Variants in NLGN2 observed in about 807,000 individuals in gnomAD.
The protein encoded by NLGN2 is neuroligin-2.
NLGN2 carries 11 observed loss-of-function variants against 48.6 expected under a neutral mutation model. The ratio of observed to expected loss-of-function variants is 0.23; its 90% CI spans 0.14 to 0.37. The LOEUF (loss-of-function observed/expected upper bound fraction) is 0.37, where lower values mean the gene tolerates loss of function less well. Ranked by LOEUF, NLGN2 falls within the 10% of genes least tolerant of loss-of-function variation. The pLI is 1.00. For missense variants in NLGN2, 801 were observed against 1,225.2 expected (o/e 0.65, Z 5.17); for synonymous variants, 548 against 550.0 (o/e 1.00, Z 0.05).
chr17:7,418,842 A>G lies in NLGN2; in HGVS notation c.*1043A>G, dbSNP rs1907263440. 2 of 152,660 alleles carry G rather than the reference A, an allele frequency of 1.3e-5. No homozygotes were observed. Among genetic ancestry groups the G allele is most frequent in the Non-Finnish European group, 2.9e-5 (2 of 68,094 alleles). The allele number at this position is 152,660 out of a possible 1,614,324, so 9.5% of individuals were successfully genotyped here. On this transcript the variant is annotated 3_prime_UTR_variant, in exon 7 of 7. Coordinates refer to ENST00000302926, the MANE Select transcript of NLGN2 (RefSeq NM_020795.4). ...GTGGTCCGAGGACAGCCTTTTCCCC[A>G]GGCCTCAGAGCATTGCTCATCCGTG...
In NLGN2 at chr17:7,417,611, C is replaced by T. The variant is rs1420434378; in HGVS notation, c.2320C>T (p.Arg774Cys). 2 of 1,419,590 alleles carry T rather than the reference C, an allele frequency of 1.4e-6. No individual in the cohort carries two copies. The highest frequency in any genetic ancestry group is 9.1e-7 in the Non-Finnish European group (1 of 1,096,086). 87.9% of individuals were successfully genotyped at this position (1,419,590 alleles called of 1,614,324 possible). The change falls in exon 7 of 7, where the codon CGC (arginine) becomes TGC (cysteine). Residue 774 changes from arginine (R) to cysteine (C), a missense_variant. Physicochemically the swap from Arg to Cys is radical, Grantham distance 180. Coordinates refer to ENST00000302926, the MANE Select transcript of NLGN2 (RefSeq NM_020795.4). ...ACPPDYTLAL[R>C]RAPDDVPLLA... The stretch of plus-strand genomic sequence containing the variant: ...CCCGCCCGACTACACCCTGGCCCTG[C>T]GCCGGGCACCGGACGATGTGCCTCT...
chr17:7,416,862 G>A, intron 6 of NLGN2, 64 bp from the exon 7 acceptor site: 1 of 1,588,152 alleles, frequency 6.3e-7, no homozygotes, highest in Non-Finnish European at 8.6e-7. Flanking sequence ...CCTGCCCACT[G>A]CCATCCACCC....
intron 1 of NLGN2, among the ~76,000 whole-genome samples, chr17:7,409,166 A>G (rs1906780409): frequency 6.6e-6 from 1 of 152,070 alleles, no homozygotes; most frequent in Non-Finnish European, 1.5e-5. Context: ...CCCCAAGGAC[A>G]ACGCAGGCTC....
At position 7,414,467 on chromosome 17, in the gene NLGN2, C is replaced by T. The variant is rs1344041518; in HGVS notation, c.632C>T (p.Thr211Met). Residue 211 changes from threonine (T) to methionine (M), a missense_variant, in exon 3 of 7, where the codon ACG becomes ATG. Physicochemically the swap from Thr to Met is moderately conservative, Grantham distance 81 (BLOSUM62 -1). This residue lies in a region of NLGN2 where 303 missense variants were observed against 600.1 expected (regional missense o/e 0.50). Transcript: ENST00000302926. ...GCCTATGGCAACGTCATTGTAGCCA[C>T]GCTCAACTACCGTCTTGGGGTGCTC... ...LAAYGNVIVA[T>M]LNYRLGVLGF... 4 of 1,614,004 alleles carry T rather than the reference C, an allele frequency of 2.5e-6. No homozygotes were observed. Among genetic ancestry groups the T allele is most frequent in the Non-Finnish European group, 3.4e-6 (4 of 1,179,994 alleles).
Position 7,415,724 on chromosome 17 carries a change from G to C in NLGN2, c.1251G>C (p.Leu417=). ...CTGTCTCCAACTTTGTGGACAACCTGTATGGCTACCCGGAAGGCAAGGATG... is the reference window on the plus strand; with the variant it reads ...CTGTCTCCAACTTTGTGGACAACCTCTATGGCTACCCGGAAGGCAAGGATG... ...DFTVSNFVDN[L]YGYPEGKDVL... The change falls in exon 6 of 7, where the codon CTG becomes CTC. Residue 417 remains leucine (L), a synonymous_variant. Coordinates refer to ENST00000302926, the MANE Select transcript of NLGN2 (RefSeq NM_020795.4). 1.2e-6 allele frequency: 2 copies of C among 1,614,266 alleles called. No individual in the cohort carries two copies. Among genetic ancestry groups the C allele is most frequent in the Non-Finnish European group, 1.7e-6 (2 of 1,180,050 alleles).
At chr17:7,405,865 A>C (rs991408444), upstream of NLGN2, among the ~76,000 whole-genome samples, 4 of 151,598 alleles carry the variant, frequency 2.6e-5, no homozygotes, top group African/African-American at 7.3e-5. This position sits in a 1 kb window ranked among gnomAD's most constrained non-coding sequence, Gnocchi z 6.8. Flanking sequence ...TCCCCTTCCC[A>C]GCCAAGCCAT....
At position 7,418,875 on chromosome 17, in the gene NLGN2, G is replaced by A. The variant is rs1297063206; in HGVS notation, c.*1076G>A. ...GAGCATTGCTCATCCGTGCCAAACT[G>A]GGTAGGTGGATTTGAGCGGAAAGAC... On this transcript the variant is annotated 3_prime_UTR_variant, in exon 7 of 7. Transcript: ENST00000302926. The A allele has an allele frequency of 6.5e-6, 1 of 152,700 alleles. No homozygotes were observed. Among genetic ancestry groups the A allele is most frequent in the East Asian group, 1.9e-4 (1 of 5,196 alleles). 9.5% of individuals were successfully genotyped at this position (152,700 alleles called of 1,614,324 possible).
Position 7,408,450 on chromosome 17 carries a change from C to A in NLGN2, c.195C>A (p.Pro65=). 2 of 1,565,396 alleles carry A rather than the reference C, an allele frequency of 1.3e-6. No individual in the cohort carries two copies. The highest frequency in any genetic ancestry group is 1.8e-5 in the Admixed American group (1 of 55,586). The change falls in exon 1 of 7, where the codon CCC becomes CCA. Residue 65 remains proline (P), a synonymous_variant. Coordinates refer to ENST00000302926, the MANE Select transcript of NLGN2 (RefSeq NM_020795.4). This position sits in a 1 kb window ranked among gnomAD's most constrained non-coding sequence, Gnocchi z 7.5. ...RRELNNEILG[P]VVQFLGVPYA... ...AGCTCAACAACGAGATCCTGGGCCC[C>A]GTCGTGCAGTTCTTGGGCGTGCCCT...
rs548043202 is a variant in NLGN2, at chr17:7,408,874, G to T, written c.457+162G>T. Among the ~76,000 whole-genome samples the T allele has an allele frequency of 2.0e-5, 3 of 152,280 alleles. No homozygotes were observed. The highest frequency in any genetic ancestry group is 6.5e-5 in the Admixed American group (1 of 15,308). ...AACCTCTACGTGCCCCCTGAGGATT[G>T]TAAGGGTGCCTCCAGGCAGTCCCAG... is the stretch of plus-strand genomic sequence containing the variant. On this transcript the variant is annotated intron_variant, in intron 1 of 6. Coordinates refer to ENST00000302926, the MANE Select transcript of NLGN2 (RefSeq NM_020795.4). The surrounding 1 kb of genome is among the most constrained non-coding windows in gnomAD (Gnocchi z 7.5).
chr17:7,415,346 A>G (rs577954003), intron 5 of NLGN2, among the ~76,000 whole-genome samples, 165 bp from the exon 6 acceptor site: 1 of 152,198 alleles, frequency 6.6e-6, no homozygotes, highest in Non-Finnish European at 1.5e-5. Context: ...GTGCTTTGGG[A>G]TGACTTCCAG....
chr17:7,408,310 G>T lies in NLGN2; in HGVS notation c.55G>T (p.Gly19Trp). The T allele has an allele frequency of 7.3e-7, 1 of 1,374,206 alleles. No homozygotes were observed. The highest frequency in any genetic ancestry group is 9.3e-7 in the Non-Finnish European group (1 of 1,073,406). 85.1% of individuals were successfully genotyped at this position (1,374,206 alleles called of 1,614,324 possible). A position where few individuals can be genotyped will look rare whatever the true frequency, so the allele number is the denominator to read the frequency against. ...VGLAGAQRGGGGPGGGAPGGP... is the reference protein window; with the variant it reads ...VGLAGAQRGGWGPGGGAPGGP... The stretch of plus-strand genomic sequence containing the variant: ...GCTGGCGGGGGCTCAACGCGGGGGA[G>T]GGGGTCCCGGCGGCGGCGCCCCGGG... Residue 19 changes from glycine to tryptophan, a missense_variant, in exon 1 of 7, where the codon GGG becomes TGG. Coordinates refer to ENST00000302926, the MANE Select transcript of NLGN2 (RefSeq NM_020795.4). This position sits in a 1 kb window ranked among gnomAD's most constrained non-coding sequence, Gnocchi z 7.5.
chr17:7,406,338 C>A (rs1906636105), upstream of NLGN2, among the ~76,000 whole-genome samples: 3 of 147,912 alleles, frequency 2.0e-5, no homozygotes, highest in Admixed American at 2.0e-4. Context: ...AGAGTACCCT[C>A]AAGAGGAGAG....
At position 7,417,829 on chromosome 17, in the gene NLGN2, C is replaced by T. The variant is rs760028710; in HGVS notation, c.*30C>T. 3.0e-6 allele frequency: 4 copies of T among 1,349,944 alleles called. No homozygotes were observed. In the South Asian group the frequency reaches 6.2e-5, roughly 21 times the overall value. The allele number at this position is 1,349,944 out of a possible 1,614,324, so 83.6% of individuals were successfully genotyped here. On this transcript the variant is annotated 3_prime_UTR_variant, in exon 7 of 7. Transcript: ENST00000302926. Reference sequence around the variant, plus strand: ...TGGGTGGGGAGGCCCTCCTCCCCGGCCCTCCCTGGCCCGGCCACTCCGAAG... The same window carrying T: ...TGGGTGGGGAGGCCCTCCTCCCCGGTCCTCCCTGGCCCGGCCACTCCGAAG...
rs1907272728 is a variant in NLGN2 at position 7,418,998 on chromosome 17, C to G, written c.*1199C>G. ...GAGGGATGTGGCAGGTGAGGGGGCT[C>G]CCGCCTGTGCCCCTTCTCCTCACCA... On this transcript the variant is annotated 3_prime_UTR_variant, in exon 7 of 7. Transcript: ENST00000302926. 6.6e-6 allele frequency: 1 copy of G among 152,244 alleles called. No homozygotes were observed. The highest frequency in any genetic ancestry group is 1.5e-5 in the Non-Finnish European group (1 of 68,056). 9.4% of individuals were successfully genotyped at this position (152,244 alleles called of 1,614,324 possible).
chr17:7,407,356 C>T (rs1343015923), upstream of NLGN2, among the ~76,000 whole-genome samples: 3 of 152,100 alleles, frequency 2.0e-5, no homozygotes, highest in Non-Finnish European at 4.4e-5. Flanking sequence ...CAACTTCTGA[C>T]GGAGGAAATG....
chr17:7,405,314 C>T (rs563312928), upstream of NLGN2: 2 of 152,418 alleles, frequency 1.3e-5, no homozygotes, highest in South Asian at 4.1e-4. This position sits in a 1 kb window ranked among gnomAD's most constrained non-coding sequence, Gnocchi z 6.8. Flanking sequence ...AGCGGATCCT[C>T]AATCTAGTCC....
At chr17:7,414,621 G>A (rs375510839) in intron 3 of NLGN2, 42 bp from the exon 4 acceptor site, 15 of 1,611,500 alleles carry the variant, frequency 9.3e-6, no homozygotes, top group African/African-American at 5.4e-5. Context: ...GGGCAGGGGC[G>A]CTGTGACACC....
At chr17:7,414,517 G>T in intron 3 of NLGN2, 24 bp downstream of exon 3, 1 of 1,611,782 alleles carries the variant, frequency 6.2e-7, no homozygotes, top group Non-Finnish European at 8.5e-7. Flanking sequence ...GCCAACTCTG[G>T]GGCTCGGGGG....
chr17:7,417,176 T>C lies in NLGN2; in HGVS notation c.1885T>C (p.Trp629Arg). 1 of 1,583,190 alleles carries C rather than the reference T, an allele frequency of 6.3e-7. No individual in the cohort carries two copies. Among genetic ancestry groups the C allele is most frequent in the Non-Finnish European group, 8.6e-7 (1 of 1,168,222 alleles). The change falls in exon 7 of 7, where the codon TGG becomes CGG. Residue 629 changes from tryptophan (W) to arginine (R), a missense_variant. By Grantham distance (101) the Trp-to-Arg change is moderately radical (BLOSUM62 -3). This residue lies in a region of NLGN2 where 303 missense variants were observed against 600.1 expected (regional missense o/e 0.50). Coordinates refer to ENST00000302926, the MANE Select transcript of NLGN2 (RefSeq NM_020795.4). ...TTRLPPYATR[W>R]PPRPPAGAPG... ...GCGCCTGCCTCCCTACGCCACGCGC[T>C]GGCCGCCTCGTCCCCCCGCTGGCGC...
Sources: gnomAD v4.1 joint callset for allele counts (sites outside exome capture counted in the v4.1 genomes callset) on GRCh38, gnomAD v4.1.1 for gene constraint, gnomAD v4.1.1 regional missense constraint, Gnocchi (gnomAD v3.1) non-coding constraint, MANE v1.5 for transcripts, NCBI Gene and HGNC (gene_info 2026-07-23, HGNC 2026-07-21) for gene names.